DISC1: variants seen among roughly 807,000 people sequenced by gnomAD.
DISC1 encodes the protein DISC1 scaffold protein.
Under a neutral mutation model 84.5 loss-of-function variants are expected in DISC1, and 57 were observed. The observed-to-expected ratio is 0.67, with a 90% CI of 0.55 to 0.84. The LOEUF (loss-of-function observed/expected upper bound fraction) is 0.84. Among genes scored for constraint, DISC1 ranks in the 40% least tolerant of loss-of-function variants. The probability of loss-of-function intolerance (pLI) is 0.00; values close to 1 mark genes in which losing one functional copy is unlikely to be tolerated. For missense variants in DISC1, 1,000 were observed against 1,057.8 expected (o/e 0.95, Z 0.76); for synonymous variants, 411 against 415.2 (o/e 0.99, Z 0.12).
chr1:232,003,498 A>G (rs1032360473), intron 10 of DISC1, among the ~76,000 whole-genome samples: 3 of 152,178 alleles, frequency 2.0e-5, no homozygotes, highest in African/African-American at 7.2e-5. Flanking sequence ...AGGAAATAGA[A>G]GAATCAAGAA....
intron 9 of DISC1, among the ~76,000 whole-genome samples, chr1:231,822,403 T>C (rs1262898897): frequency 6.6e-6 from 1 of 152,134 alleles, no homozygotes; most frequent in East Asian, 1.9e-4. Flanking sequence ...GAACGATGGC[T>C]AACTGTGCCC....
chr1:231,818,859 C>T, intron 9 of DISC1: 1 of 1,111,980 alleles, frequency 9.0e-7, no homozygotes, highest in Non-Finnish European at 1.1e-6. Context: ...TGTCCCTTGG[C>T]TCCGTCTCCT....
chr1:231,989,266 C>A (rs1664869118), intron 10 of DISC1, among the ~76,000 whole-genome samples: 1 of 152,224 alleles, frequency 6.6e-6, no homozygotes, highest in African/African-American at 2.4e-5. Flanking sequence ...CCTGCTGTTT[C>A]AGCTGACGGT....
At chr1:231,891,909 A>G (rs1162013714) in intron 9 of DISC1, among the ~76,000 whole-genome samples, 1 of 152,174 alleles carries the variant, frequency 6.6e-6, no homozygotes, top group Non-Finnish European at 1.5e-5. Context: ...TGCAGACTCC[A>G]TCCTCAGTTC....
intron 1 of DISC1, among the ~76,000 whole-genome samples, chr1:231,666,509 G>A (rs555304248): frequency 1.3e-5 from 2 of 152,182 alleles, no homozygotes; most frequent in East Asian, 3.9e-4. Flanking sequence ...GAAACCCTTA[G>A]CAAATACCTA....
chr1:232,008,354 C>G (rs548735229), intron 10 of DISC1, among the ~76,000 whole-genome samples: 4 of 152,152 alleles, frequency 2.6e-5, no homozygotes, highest in Non-Finnish European at 5.9e-5. Context: ...AAGCCGAGTT[C>G]TGAAGATAAT....
Position 231,718,880 on chromosome 1 carries a change from A to G in DISC1, c.1117+16856A>G, listed in dbSNP as rs552645304. 4.9e-4 allele frequency among the ~76,000 whole-genome samples: 74 copies of G among 152,312 alleles called. 1 individual carries two copies. The South Asian group carries it at 0.014, about 30-fold the overall frequency. On this transcript the variant is annotated intron_variant, in intron 3 of 12. Transcript: ENST00000439617. ...GGTTGGTCATGGTGTGGCTCATGCC[A>G]CAATCCTAGCTTTTTAGAAGGCTGA...
intron 9 of DISC1, among the ~76,000 whole-genome samples, chr1:231,913,930 G>T (rs1479097597): frequency 1.3e-5 from 2 of 152,152 alleles, no homozygotes; most frequent in Non-Finnish European, 2.9e-5. Flanking sequence ...GTTTCCGTGT[G>T]AGAGATCCTG....
intron 9 of DISC1, among the ~76,000 whole-genome samples, chr1:231,858,268 C>G (rs1052567583): frequency 2.0e-5 from 3 of 152,244 alleles, no homozygotes; most frequent in African/African-American, 7.2e-5. Flanking sequence ...ATCCGGGCCA[C>G]CTGCCCCAGC....
At chr1:231,952,348 T>C (rs1658577553) in intron 9 of DISC1, among the ~76,000 whole-genome samples, 1 of 151,984 alleles carries the variant, frequency 6.6e-6, no homozygotes, top group African/African-American at 2.4e-5. Context: ...CCTTGCTAGT[T>C]TGGTAATGAT....
At chr1:231,658,971 G>A (rs1262003793) in intron 1 of DISC1, among the ~76,000 whole-genome samples, 1 of 152,062 alleles carries the variant, frequency 6.6e-6, no homozygotes, top group East Asian at 1.9e-4. Flanking sequence ...CCAGGTTTTG[G>A]TATCAGGATG....
chr1:231,981,118 A>T (rs1663541677), intron 10 of DISC1, among the ~76,000 whole-genome samples: 1 of 152,046 alleles, frequency 6.6e-6, no homozygotes. Context: ...TAATTTTAAA[A>T]TTTTTTGTAG....
chr1:231,779,522 A>C (rs1300401147), intron 6 of DISC1, among the ~76,000 whole-genome samples: 2 of 149,948 alleles, frequency 1.3e-5, no homozygotes, highest in East Asian at 3.9e-4. Context: ...AACCTGTGGA[A>C]TATGTATACT....
At chr1:231,883,770 G>T (rs1171851039) in intron 9 of DISC1, among the ~76,000 whole-genome samples, 2 of 152,112 alleles carry the variant, frequency 1.3e-5, no homozygotes, top group Admixed American at 6.5e-5. Flanking sequence ...TGGGGATGGT[G>T]CAATTGACTG....
At chr1:231,741,459 G>A (rs2073260155) in intron 3 of DISC1, among the ~76,000 whole-genome samples, 1 of 152,226 alleles carries the variant, frequency 6.6e-6, no homozygotes, top group Non-Finnish European at 1.5e-5. Context: ...ATTGTAATCA[G>A]ACTCATTTTT....
At chr1:231,703,680 T>C (rs994641192) in intron 3 of DISC1, among the ~76,000 whole-genome samples, 1 of 152,186 alleles carries the variant, frequency 6.6e-6, no homozygotes, top group Admixed American at 6.5e-5. Context: ...CTTTAATCTT[T>C]TCTCCAAACA....
chr1:232,008,846 A>G lies in DISC1; in HGVS notation c.2104A>G (p.Ile702Val). Residue 702 changes from isoleucine (I) to valine (V), a missense_variant, in exon 11 of 13, where the codon ATC becomes GTC. Around this residue, in one of 3 missense-constraint regions of DISC1, gnomAD observed 397 missense variants for 377.5 expected, o/e 1.05. Coordinates refer to ENST00000439617, the MANE Select transcript of DISC1 (RefSeq NM_018662.3). ...EADLEACRLL[I>V]QSLQLQEARG... ...TGACTTGGAAGCTTGTCGATTGCTT[A>G]TCCAGAGCCTACAGCTCCAGGAAGC... 1.2e-6 allele frequency: 2 copies of G among 1,612,256 alleles called. No homozygotes were observed. The highest frequency in any genetic ancestry group is 1.7e-4 in the Middle Eastern group (1 of 6,048).
At chr1:231,754,305 C>G (rs2074912837) in intron 4 of DISC1, among the ~76,000 whole-genome samples, 1 of 152,160 alleles carries the variant, frequency 6.6e-6, no homozygotes. Flanking sequence ...AATTGGCTCA[C>G]TATTCTGCAG....
intron 9 of DISC1, among the ~76,000 whole-genome samples, chr1:231,904,344 C>T (rs1193730043): frequency 3.9e-5 from 6 of 152,118 alleles, no homozygotes; most frequent in Admixed American, 1.3e-4. Flanking sequence ...CTTTCTTGAA[C>T]AATTTAGCAA....
Sources: gnomAD v4.1 joint callset for allele counts (sites outside exome capture counted in the v4.1 genomes callset) on GRCh38, gnomAD v4.1.1 for gene constraint, gnomAD v4.1.1 regional missense constraint, MANE v1.5 for transcripts, NCBI Gene and HGNC (gene_info 2026-07-23, HGNC 2026-07-21) for gene names.